The following ITM2C variants were observed in gnomAD, a reference collection of about 807,000 sequenced individuals.
ITM2C encodes BRICHOS domain containing 2C.
A neutral mutation model predicts 30.0 loss-of-function variants in ITM2C; 20 were observed. The observed-to-expected ratio is 0.67, with a 90% CI of 0.47 to 0.97. ITM2C has a LOEUF of 0.97. ITM2C is among the 50% of genes least tolerant of loss of function. The pLI is 0.00. For missense variants in ITM2C, 366 were observed against 371.9 expected, an observed-to-expected ratio of 0.98 and a Z score of 0.13; for synonymous variants, 167 against 156.4, an observed-to-expected ratio of 1.07 and a Z score of -0.51.
chr2:230,875,484 GGTCTCACAGTCCCTGCTCTTCTT>G, intron 2 of ITM2C, 113 bp from the exon 3 acceptor site: 1 of 693,660 alleles, frequency 1.4e-6, no homozygotes, highest in Admixed American at 2.9e-5. Context: ...CTGCGAAATG[GGTCTCACAGTCCCTGCTCTTCTT>G]GCTTCCGCAG....
In ITM2C at chr2:230,872,698, C is replaced by T. The variant is rs892925429; in HGVS notation, c.121-719C>T. Among the ~76,000 whole-genome samples, 8 of 152,100 alleles carry T rather than the reference C, an allele frequency of 5.3e-5. 1 individual carries two copies. The highest frequency in any genetic ancestry group is 2.6e-4 in the Admixed American group (4 of 15,274). On this transcript the variant is annotated intron_variant, in intron 1 of 5. Coordinates refer to ENST00000326427, the MANE Select transcript of ITM2C (RefSeq NM_030926.6). ...CACTTGTAACAGCCTGCTTGACTGC[C>T]GGTCGGTGCCTGTGGGGGGCCAGTG...
At chr2:230,871,121 T>C (rs962407967) in intron 1 of ITM2C, among the ~76,000 whole-genome samples, 12 of 152,242 alleles carry the variant, frequency 7.9e-5, no homozygotes, top group African/African-American at 2.7e-4. Context: ...ACGCAGAGTC[T>C]GTCCACATTT....
intron 1 of ITM2C, among the ~76,000 whole-genome samples, chr2:230,868,728 C>T (rs146939601): frequency 4.6e-5 from 7 of 152,240 alleles, no homozygotes; most frequent in South Asian, 2.1e-4. Flanking sequence ...TCTCCTGGAG[C>T]GGTTGGGGGA....
At chr2:230,871,461 C>T (rs946682607) in intron 1 of ITM2C, among the ~76,000 whole-genome samples, 6 of 152,244 alleles carry the variant, frequency 3.9e-5, no homozygotes, top group African/African-American at 7.2e-5. Context: ...TTAGTCCCAA[C>T]CCCCTGTGGC....
At position 230,865,334 on chromosome 2, in the gene ITM2C, G is replaced by A. The variant is rs2125011536; in HGVS notation, c.120+189G>A. On this transcript the variant is annotated intron_variant, in intron 1 of 5. Coordinates refer to ENST00000326427, the MANE Select transcript of ITM2C (RefSeq NM_030926.6). This position sits in a 1 kb window ranked among gnomAD's most constrained non-coding sequence, Gnocchi z 6.8. ...GGGGCTTAAGTCCCGTACTAAAGCG[G>A]CAGCCAAAAGCTGAAGTCCGAAGAG... is the stretch of plus-strand genomic sequence containing the variant. 4 of 542,424 alleles carry A rather than the reference G, an allele frequency of 7.4e-6. No homozygotes were observed. The East Asian group carries it at 1.1e-4, about 14-fold the overall frequency. 33.6% of individuals were successfully genotyped at this position (542,424 alleles called of 1,614,324 possible).
rs1347098474 is a variant in ITM2C at position 230,877,047 on chromosome 2, A to G, written c.561+80A>G. Reference sequence around the variant, plus strand: ...GTCTCATGGAGGCTAGGTCTGAGGTACAGGAAGTTCCTGTGTCAGGGGTTG... The same window carrying G: ...GTCTCATGGAGGCTAGGTCTGAGGTGCAGGAAGTTCCTGTGTCAGGGGTTG... On this transcript the variant is annotated intron_variant, in intron 4 of 5. Coordinates refer to ENST00000326427, the MANE Select transcript of ITM2C (RefSeq NM_030926.6). This position sits in a 1 kb window ranked among gnomAD's most constrained non-coding sequence, Gnocchi z 4.8. 2 of 1,008,850 alleles carry G rather than the reference A, an allele frequency of 2.0e-6. No individual in the cohort carries two copies. Among genetic ancestry groups the G allele is most frequent in the African/African-American group, 1.6e-5 (1 of 63,150 alleles). The allele number at this position is 1,008,850 out of a possible 1,614,324, so 62.5% of individuals were successfully genotyped here.
At chr2:230,869,754 C>G (rs1445359971) in intron 1 of ITM2C, among the ~76,000 whole-genome samples, 1 of 152,182 alleles carries the variant, frequency 6.6e-6, no homozygotes, top group Non-Finnish European at 1.5e-5. Flanking sequence ...GCTGGTTTCC[C>G]CCTGACCATT....
Position 230,877,600 on chromosome 2 carries a change from A to G in ITM2C, c.712+50A>G, listed in dbSNP as rs747205263. The G allele has an allele frequency of 1.3e-6, 2 of 1,599,442 alleles. No individual in the cohort carries two copies. The highest frequency in any genetic ancestry group is 1.7e-6 in the Non-Finnish European group (2 of 1,170,778). On this transcript the variant is annotated intron_variant, in intron 5 of 5. Transcript: ENST00000326427. The surrounding 1 kb of genome is among the most constrained non-coding windows in gnomAD (Gnocchi z 4.8). The stretch of plus-strand genomic sequence containing the variant: ...TAGCCCCTGTCCCGTGCCCCAGACC[A>G]CAGTTATCTTCACGCCTAGCCCAGC...
intron 1 of ITM2C, chr2:230,873,149 T>G (rs775265442): frequency 2.1e-5 from 8 of 388,430 alleles, no homozygotes; most frequent in Admixed American, 4.5e-5. Flanking sequence ...CCACTGCATC[T>G]CTTTCGGTGG....
At chr2:230,869,504 C>T (rs1559155330) in intron 1 of ITM2C, among the ~76,000 whole-genome samples, 1 of 152,218 alleles carries the variant, frequency 6.6e-6, no homozygotes, top group Non-Finnish European at 1.5e-5. Context: ...AAGAAAGCTG[C>T]TGAGGACCAG....
chr2:230,876,826 CAG>C, intron 3 of ITM2C, 29 bp from the exon 4 acceptor site: 2 of 1,487,564 alleles, frequency 1.3e-6, no homozygotes, highest in Non-Finnish European at 1.9e-6. Context: ...TCACCTCCTG[CAG>C]AGACTGACCC....
Position 230,865,221 on chromosome 2 carries a change from G to A in ITM2C, c.120+76G>A. 3 of 1,290,220 alleles carry A rather than the reference G, an allele frequency of 2.3e-6. No individual in the cohort carries two copies. Among genetic ancestry groups the A allele is most frequent in the Non-Finnish European group, 3.0e-6 (3 of 1,013,178 alleles). The allele number at this position is 1,290,220 out of a possible 1,614,324, so 79.9% of individuals were successfully genotyped here. ...CCCAGGCGCGCCCCGTCGGCCCTGG[G>A]GACTGCCCGAGGCGCGTCAGGGCCC... On this transcript the variant is annotated intron_variant, in intron 1 of 5. Coordinates refer to ENST00000326427, the MANE Select transcript of ITM2C (RefSeq NM_030926.6). The surrounding 1 kb of genome is among the most constrained non-coding windows in gnomAD (Gnocchi z 6.8).
chr2:230,873,316 C>T (rs768871185), intron 1 of ITM2C, 101 bp from the exon 2 acceptor site: 1 of 1,220,762 alleles, frequency 8.2e-7, no homozygotes, highest in Non-Finnish European at 1.1e-6. Flanking sequence ...TCCCCCAAGA[C>T]TCCCTCCGGG....
rs1276390283 is a variant in ITM2C, at chr2:230,877,171, G to C, written c.561+204G>C. 1.3e-5 allele frequency among the ~76,000 whole-genome samples: 2 copies of C among 152,190 alleles called. No individual in the cohort carries two copies. Among genetic ancestry groups the C allele is most frequent in the African/African-American group, 2.4e-5 (1 of 41,436 alleles). On this transcript the variant is annotated intron_variant, in intron 4 of 5. Transcript: ENST00000326427. The surrounding 1 kb of genome is among the most constrained non-coding windows in gnomAD (Gnocchi z 4.8). The stretch of plus-strand genomic sequence containing the variant: ...CACATCTCCAGAGTCAATGCCCCGA[G>C]ACCGGCTTCCTTAGTGTTCAAGGTT...
chr2:230,870,765 G>A (rs959067428), intron 1 of ITM2C, among the ~76,000 whole-genome samples: 2 of 152,376 alleles, frequency 1.3e-5, no homozygotes, highest in East Asian at 1.9e-4. Flanking sequence ...GCGGAAAGGC[G>A]GAAAGGCGAG....
At position 230,877,077 on chromosome 2, in the gene ITM2C, A is replaced by T. The variant is rs1356375413; in HGVS notation, c.561+110A>T. ...AAGTTCCTGTGTCAGGGGTTGGGGG[A>T]GCAAGAGACATTGCTGGCACCTGGG... On this transcript the variant is annotated intron_variant, in intron 4 of 5. Transcript: ENST00000326427. The surrounding 1 kb of genome is among the most constrained non-coding windows in gnomAD (Gnocchi z 4.8). 3 of 798,866 alleles carry T rather than the reference A, an allele frequency of 3.8e-6. No homozygotes were observed. The highest frequency in any genetic ancestry group is 6.3e-6 in the Non-Finnish European group (3 of 477,192). 49.5% of individuals were successfully genotyped at this position (798,866 alleles called of 1,614,324 possible). A position where few individuals can be genotyped will look rare whatever the true frequency, so the allele number is the denominator to read the frequency against.
At position 230,877,006 on chromosome 2, in the gene ITM2C, C is replaced by T; in HGVS notation, c.561+39C>T. On this transcript the variant is annotated intron_variant, in intron 4 of 5. Transcript: ENST00000326427. The surrounding 1 kb of genome is among the most constrained non-coding windows in gnomAD (Gnocchi z 4.8). ...TGGGGGGATGTCTGCAGCATCCTGT[C>T]CCTCCCTTGCCCCCTGTCTCATGGA... is the stretch of plus-strand genomic sequence containing the variant. 1 of 1,323,648 alleles carries T rather than the reference C, an allele frequency of 7.6e-7. No homozygotes were observed. The highest frequency in any genetic ancestry group is 1.2e-5 in the South Asian group (1 of 84,932). 82.0% of individuals were successfully genotyped at this position (1,323,648 alleles called of 1,614,324 possible).
At chr2:230,869,457 G>C (rs956736989) in intron 1 of ITM2C, among the ~76,000 whole-genome samples, 1 of 152,154 alleles carries the variant, frequency 6.6e-6, no homozygotes, top group African/African-American at 2.4e-5. Flanking sequence ...ACACACACTC[G>C]GTGGGTGCCC....
At position 230,875,764 on chromosome 2, in the gene ITM2C, T is replaced by C. The variant is rs1229452310; in HGVS notation, c.406T>C (p.Phe136Leu). The C allele has an allele frequency of 2.5e-6, 4 of 1,569,424 alleles. No individual in the cohort carries two copies. The highest frequency in any genetic ancestry group is 3.5e-6 in the Non-Finnish European group (4 of 1,152,446). ...GCGCATCAACGTGCCTGTGCCCCAG[T>C]TTGGCGGCGGTGACCCTGCAGACAT... ...YERINVPVPQ[F>L]GGGDPADIIH... is the part of the protein sequence containing the mutation. The change falls in exon 3 of 6, where the codon TTT (phenylalanine) becomes CTT (leucine). Residue 136 changes from phenylalanine to leucine, a missense_variant. By Grantham distance (22) the Phe-to-Leu change is conservative (BLOSUM62 0). Transcript: ENST00000326427.
Sources: allele counts gnomAD v4.1 joint callset (sites outside exome capture counted in the v4.1 genomes callset), GRCh38; gene constraint gnomAD v4.1.1; non-coding constraint Gnocchi (gnomAD v3.1); transcripts MANE v1.5; gene names NCBI Gene and HGNC (gene_info 2026-07-23, HGNC 2026-07-21).